RNF38: variants seen among roughly 807,000 people sequenced by gnomAD.
The protein encoded by RNF38 is E3 ubiquitin-protein ligase RNF38.
In RNF38, 15 loss-of-function variants were observed where a neutral mutation model predicts 67.2. The observed-to-expected ratio is 0.22, with a 90% CI of 0.15 to 0.34. The LOEUF (loss-of-function observed/expected upper bound fraction) is 0.34, where lower values mean the gene tolerates loss of function less well. Among genes scored for constraint, RNF38 ranks in the 10% least tolerant of loss-of-function variants. RNF38 has a pLI of 1.00. For missense variants in RNF38, 524 were observed against 639.9 expected, an observed-to-expected ratio of 0.82 and a Z score of 1.95; for synonymous variants, 220 against 218.8, an observed-to-expected ratio of 1.01 and a Z score of -0.05.
At chr9:36,403,293 G>A (rs138914446), upstream of RNF38, among the ~76,000 whole-genome samples, 575 of 152,334 alleles carry the variant, frequency 3.8e-3, 1 homozygote, top group Middle Eastern at 0.017. Flanking sequence ...AAGTCCCACT[G>A]CAGAACTAAT....
upstream of RNF38, chr9:36,400,355 G>C: frequency 1.6e-6 from 2 of 1,223,556 alleles, no homozygotes; most frequent in Non-Finnish European, 2.1e-6. Flanking sequence ...GAGGGAGCGA[G>C]AGAGCGAGGC....
At chr9:36,445,613 A>G (rs913693437) in intron 1 of RNF38, among the ~76,000 whole-genome samples, 2 of 152,206 alleles carry the variant, frequency 1.3e-5, no homozygotes, top group Non-Finnish European at 2.9e-5. Context: ...AGACAGGGGA[A>G]TCAAACCACA....
intron 1 of RNF38, among the ~76,000 whole-genome samples, chr9:36,452,821 C>T (rs956018274): frequency 1.3e-5 from 2 of 152,318 alleles, no homozygotes; most frequent in East Asian, 3.9e-4. Context: ...GCATGAGCCA[C>T]TGCACCCGGC....
chr9:36,400,869 C>T (rs1465405342), upstream of RNF38: 3 of 984,942 alleles, frequency 3.0e-6, no homozygotes, highest in African/African-American at 5.3e-5. Context: ...CCCGCAACAC[C>T]GCACTAGGGG....
chr9:36,391,822 C>A (rs1057162624), intron 1 of RNF38, among the ~76,000 whole-genome samples: 1 of 152,030 alleles, frequency 6.6e-6, no homozygotes, highest in African/African-American at 2.4e-5. Context: ...ACTGTGTTAG[C>A]CAGGATGGTC....
chr9:36,461,568 T>C (rs1045261198), intron 1 of RNF38, among the ~76,000 whole-genome samples: 1 of 152,152 alleles, frequency 6.6e-6, no homozygotes, highest in Non-Finnish European at 1.5e-5. Context: ...CTGGCTGCTA[T>C]GCAGAGAAAA....
chr9:36,365,325 G>GA (rs1301284357), intron 4 of RNF38, among the ~76,000 whole-genome samples: 2 of 152,076 alleles, frequency 1.3e-5, no homozygotes, highest in African/African-American at 2.4e-5. Flanking sequence ...CCAGCACTTT[G>GA]GGAGGCTGAG....
chr9:36,435,692 C>G (rs950308679), intron 1 of RNF38, among the ~76,000 whole-genome samples: 1 of 150,690 alleles, frequency 6.6e-6, no homozygotes, highest in Non-Finnish European at 1.5e-5. Flanking sequence ...TGCAGTGGCG[C>G]GATCTCGGCT....
At chr9:36,398,320 G>A (rs918262670) in intron 1 of RNF38, among the ~76,000 whole-genome samples, 1 of 152,136 alleles carries the variant, frequency 6.6e-6, no homozygotes, top group African/African-American at 2.4e-5. Flanking sequence ...TGTAGTCCTA[G>A]TTACTCAGGA....
intron 6 of RNF38, among the ~76,000 whole-genome samples, chr9:36,355,065 C>A (rs1449375835): frequency 6.6e-6 from 1 of 152,166 alleles, no homozygotes; most frequent in African/African-American, 2.4e-5. Context: ...TGGCACAAAT[C>A]CTATCCTATT....
intron 1 of RNF38, among the ~76,000 whole-genome samples, chr9:36,433,817 T>C (rs981047140): frequency 3.3e-5 from 5 of 151,988 alleles, no homozygotes; most frequent in Non-Finnish European, 7.4e-5. Context: ...AGCAAGAAGT[T>C]TGATAACACA....
chr9:36,374,499 A>G (rs749364200), intron 3 of RNF38, among the ~76,000 whole-genome samples: 7 of 152,090 alleles, frequency 4.6e-5, no homozygotes, highest in Non-Finnish European at 8.8e-5. Flanking sequence ...TTTTTGAGAC[A>G]GAGTCTTGCT....
At position 36,352,831 on chromosome 9, in the gene RNF38, C is replaced by G; in HGVS notation, c.1089G>C (p.Met363Ile). 4 of 1,613,302 alleles carry G rather than the reference C, an allele frequency of 2.5e-6. No individual in the cohort carries two copies. Among genetic ancestry groups the G allele is most frequent in the Non-Finnish European group, 3.4e-6 (4 of 1,179,394 alleles). Reference protein sequence around the residue: ...VSFGVPYPPFMPRRLTGRSRY... With the variant: ...VSFGVPYPPFIPRRLTGRSRY... Reference sequence around the variant, plus strand: ...TACTACGTCCTGTAAGCCTCCGAGGCATAAATGGAGGATAAGGCTGCAAGG... The same window carrying G: ...TACTACGTCCTGTAAGCCTCCGAGGGATAAATGGAGGATAAGGCTGCAAGG... Residue 363 changes from methionine (M) to isoleucine (I), a missense_variant, in exon 8 of 12, where the codon ATG becomes ATC. Physicochemically the swap from Met to Ile is conservative, Grantham distance 10. Around this residue, in one of 2 missense-constraint regions of RNF38, gnomAD observed 461 missense variants for 517.4 expected, o/e 0.89. Coordinates refer to ENST00000259605, the MANE Select transcript of RNF38 (RefSeq NM_022781.5).
At chr9:36,426,755 A>T (rs1196916410) in intron 1 of RNF38, among the ~76,000 whole-genome samples, 1 of 152,226 alleles carries the variant, frequency 6.6e-6, no homozygotes, top group East Asian at 1.9e-4. Flanking sequence ...TTTTTTGAGT[A>T]GAATGACTTT....
At chr9:36,432,443 C>T (rs935682646) in intron 1 of RNF38, among the ~76,000 whole-genome samples, 4 of 150,054 alleles carry the variant, frequency 2.7e-5, no homozygotes, top group Non-Finnish European at 5.9e-5. Flanking sequence ...TAAATATTAA[C>T]TTTCTTATCC....
chr9:36,362,904 T>C (rs4879989), intron 4 of RNF38, among the ~76,000 whole-genome samples: 69,223 of 123,922 alleles, frequency 0.56, 23,983 homozygotes, highest in East Asian at 0.71. Context: ...AGTGCTGGGA[T>C]TACAAGCGTG....
chr9:36,362,603 C>G (rs965587964), intron 4 of RNF38, among the ~76,000 whole-genome samples: 2 of 151,952 alleles, frequency 1.3e-5, no homozygotes, highest in Non-Finnish European at 2.9e-5. Context: ...CACAGCCACT[C>G]TTTGATCCCA....
rs1460709598 is a variant in RNF38, at chr9:36,363,375, G to C, written c.571-5433C>G. 2.0e-5 allele frequency among the ~76,000 whole-genome samples: 2 copies of C among 100,820 alleles called. 1 individual carries two copies. The highest frequency in any genetic ancestry group is 1.8e-4 in the Admixed American group (2 of 11,106). 66.1% of individuals were successfully genotyped at this position (100,820 alleles called of 152,430 possible). On this transcript the variant is annotated intron_variant, in intron 4 of 11. Coordinates refer to ENST00000259605, the MANE Select transcript of RNF38 (RefSeq NM_022781.5). ...ATGGAATTGCTGGATTACTGGGTAG[G>C]TGTATGTTTGACATGATTAGAAACT... is the stretch of plus-strand genomic sequence containing the variant.
At position 36,415,651 on chromosome 9, in the gene RNF38, A is replaced by G. The variant is rs143597175; in HGVS notation, n.312+8962T>C. Among the ~76,000 whole-genome samples, 909 of 152,262 alleles carry G rather than the reference A, an allele frequency of 6.0e-3. 14 individuals carry two copies. Among genetic ancestry groups the G allele is most frequent in the African/African-American group, 0.021 (871 of 41,540 alleles). On this transcript the variant is annotated intron_variant and non_coding_transcript_variant, in intron 2 of 3. Transcript: ENST00000488058. ...CGGGCTGGTACTGGGGAGTGTCTGC[A>G]AAGAGTCCTGTAATGTGATCAGTAT...
Sources: gnomAD v4.1 joint callset for allele counts (sites outside exome capture counted in the v4.1 genomes callset) on GRCh38, gnomAD v4.1.1 for gene constraint, gnomAD v4.1.1 regional missense constraint, MANE v1.5 for transcripts, NCBI Gene and HGNC (gene_info 2026-07-23, HGNC 2026-07-21) for gene names.